Variants in VPS8 observed in about 807,000 individuals in gnomAD.
VPS8 encodes the protein vacuolar protein sorting-associated protein 8 homolog.
In VPS8, 129 loss-of-function variants were observed where a neutral mutation model predicts 216.4. The observed-to-expected ratio is 0.60, with a 90% CI of 0.52 to 0.69. VPS8 has a LOEUF of 0.69. Ranked by LOEUF, VPS8 falls within the 30% of genes least tolerant of loss-of-function variation. VPS8 has a pLI of 0.00. For synonymous variants in VPS8, 571 were observed against 565.4 expected, an observed-to-expected ratio of 1.01 and a Z score of -0.14; for missense variants, 1,531 against 1,683.5, an observed-to-expected ratio of 0.91 and a Z score of 1.59.
At chr3:184,849,900 AT>A (rs764302402) in intron 9 of VPS8, 35 bp from the exon 10 acceptor site, 8 of 1,541,622 alleles carry the variant, frequency 5.2e-6, no homozygotes, top group Non-Finnish European at 7.2e-6. Flanking sequence ...AAAAAGAGCA[AT>A]AAATTTGTTT....
At chr3:184,819,672 CAAATT>C (rs1717124628) in intron 1 of VPS8, among the ~76,000 whole-genome samples, 1 of 152,066 alleles carries the variant, frequency 6.6e-6, no homozygotes, top group South Asian at 2.1e-4. Flanking sequence ...TGACCAGAAA[CAAATT>C]AACTTATATT....
At chr3:184,967,350 TA>T (rs886660953) in intron 39 of VPS8, among the ~76,000 whole-genome samples, 1 of 152,184 alleles carries the variant, frequency 6.6e-6, no homozygotes, top group Non-Finnish European at 1.5e-5. Context: ...TCCTAAAAAT[TA>T]ATGTGCCAAA....
At chr3:184,951,005 G>A (rs933271394) in intron 36 of VPS8, among the ~76,000 whole-genome samples, 2 of 152,094 alleles carry the variant, frequency 1.3e-5, no homozygotes, top group Admixed American at 6.5e-5. Flanking sequence ...CTTTGCTATT[G>A]TAAATAGTGC....
Position 184,908,177 on chromosome 3 carries a change from C to CA in VPS8, c.2147-5333dup, listed in dbSNP as rs201325697. ...CCACAGAGTGAGTTCTGAGTTAGGG[C>CA]AAAAAAAAATAAGCCCTGAAAATGG... On this transcript the variant is annotated intron_variant, in intron 25 of 47. Coordinates refer to ENST00000625842, the MANE Select transcript of VPS8 (RefSeq NM_001009921.3). Among the ~76,000 whole-genome samples the CA allele has an allele frequency of 4.6e-4, 68 of 148,878 alleles. 1 individual carries two copies. Among genetic ancestry groups the CA allele is most frequent in the Non-Finnish European group, 6.7e-4 (45 of 67,078 alleles).
chr3:184,913,077 C>A (rs1578209765), intron 25 of VPS8, among the ~76,000 whole-genome samples: 1 of 152,150 alleles, frequency 6.6e-6, no homozygotes, highest in South Asian at 2.1e-4. Flanking sequence ...TAGTTTAGTT[C>A]TGTTACTTTA....
At chr3:184,912,343 C>T (rs1462969792) in intron 25 of VPS8, among the ~76,000 whole-genome samples, 1 of 152,114 alleles carries the variant, frequency 6.6e-6, no homozygotes, top group Non-Finnish European at 1.5e-5. Flanking sequence ...ATAGTCTTAT[C>T]TTTGTCCAGT....
chr3:184,901,777 A>G (rs540904852), intron 25 of VPS8, among the ~76,000 whole-genome samples: 8 of 152,134 alleles, frequency 5.3e-5, no homozygotes, highest in African/African-American at 1.9e-4. Context: ...TTGTGGACAA[A>G]TGTGTTCATT....
intron 3 of VPS8, among the ~76,000 whole-genome samples, chr3:184,827,773 A>C (rs1719107612): frequency 6.6e-6 from 1 of 152,202 alleles, no homozygotes; most frequent in South Asian, 2.1e-4. Context: ...CCTCAATAGT[A>C]GTTTGAGTGT....
chr3:185,039,148 C>T (rs920951290), intron 46 of VPS8, among the ~76,000 whole-genome samples: 14 of 152,182 alleles, frequency 9.2e-5, no homozygotes, highest in African/African-American at 3.4e-4. Context: ...GGGAAGGGAG[C>T]AGTCAGTTCA....
At chr3:184,872,803 A>G (rs1728584481) in intron 21 of VPS8, among the ~76,000 whole-genome samples, 1 of 152,124 alleles carries the variant, frequency 6.6e-6, no homozygotes, top group African/African-American at 2.4e-5. Flanking sequence ...TATGGGCACA[A>G]TCACATGGCT....
At position 184,999,723 on chromosome 3, in the gene VPS8, C is replaced by G; in HGVS notation, c.3864C>G (p.Cys1288Trp). 1 of 1,612,272 alleles carries G rather than the reference C, an allele frequency of 6.2e-7. No individual in the cohort carries two copies. The highest frequency in any genetic ancestry group is 8.5e-7 in the Non-Finnish European group (1 of 1,179,340). Residue 1288 changes from cysteine (C) to tryptophan (W), a missense_variant, in exon 45 of 48, where the codon TGC becomes TGG. Around this residue, in one of 3 missense-constraint regions of VPS8, gnomAD observed 1,318 missense variants for 1,468.4 expected, o/e 0.90. Coordinates refer to ENST00000625842, the MANE Select transcript of VPS8 (RefSeq NM_001009921.3). ...GTGGCCATTTGTATCACTCATTCTG[C>G]CTACAAAACAAAGAATGCACTGTGG... is the stretch of plus-strand genomic sequence containing the variant. ...FSCGHLYHSF[C>W]LQNKECTVEF...
chr3:184,824,664 A>G lies in VPS8; in HGVS notation c.32A>G (p.Glu11Gly). The stretch of plus-strand genomic sequence containing the variant: ...AATGAACCAGACCATGAAAATGTGG[A>G]ACAGAGCCTCTGTGCCAAGACGAGC... MENEPDHENV[E>G]QSLCAKTSEE... The change falls in exon 2 of 48, where the codon GAA becomes GGA. Residue 11 changes from glutamate (E) to glycine (G), a missense_variant. This residue lies in a region of VPS8 where 199 missense variants were observed against 182.2 expected (regional missense o/e 1.09). Transcript: ENST00000625842. 1 of 1,613,984 alleles carries G rather than the reference A, an allele frequency of 6.2e-7. No individual in the cohort carries two copies. Among genetic ancestry groups the G allele is most frequent in the Non-Finnish European group, 8.5e-7 (1 of 1,179,872 alleles).
Position 185,048,571 on chromosome 3 carries a change from G to A in VPS8, c.4137+12G>A, listed in dbSNP as rs539672543. 43 of 1,613,336 alleles carry A rather than the reference G, an allele frequency of 2.7e-5. No individual in the cohort carries two copies. The highest frequency in any genetic ancestry group is 2.5e-4 in the East Asian group (11 of 44,874). On this transcript the variant is annotated intron_variant, in intron 47 of 47. Coordinates refer to ENST00000625842, the MANE Select transcript of VPS8 (RefSeq NM_001009921.3). ...GAGGAAGCTCCAGGGTAATGTTTGC[G>A]TGGTTGTTTATATTTTTATTTCCCT...
At chr3:184,848,324 A>G (rs1011137223) in intron 8 of VPS8, among the ~76,000 whole-genome samples, 1 of 152,222 alleles carries the variant, frequency 6.6e-6, no homozygotes, top group African/African-American at 2.4e-5. Context: ...TATGGATAAT[A>G]TAAATGTAAA....
At position 184,868,930 on chromosome 3, in the gene VPS8, C is replaced by A. The variant is rs758157431; in HGVS notation, c.1507-16C>A. The A allele has an allele frequency of 7.5e-6, 12 of 1,594,154 alleles. No homozygotes were observed. In the South Asian group the frequency reaches 1.4e-4, roughly 18 times the overall value. On this transcript the variant is annotated splice_polypyrimidine_tract_variant and intron_variant, in intron 18 of 47. Transcript: ENST00000625842. ...TCAGACAAAGGGGCCTGGTTTCTCT[C>A]ATTTTTCCGTTTTAGAGAGTGGATC...
Position 184,886,470 on chromosome 3 carries a change from T to TAC in VPS8, c.1781+325_1781+326dup, listed in dbSNP as rs560516542. ...ATGATTCATTATATGTATATATATA[T>TAC]ACACACACACACGCATATATACACA... is the stretch of plus-strand genomic sequence containing the variant. On this transcript the variant is annotated intron_variant, in intron 22 of 47. Transcript: ENST00000625842. Among the ~76,000 whole-genome samples the TAC allele has an allele frequency of 1.3e-3, 198 of 151,390 alleles. 1 individual carries two copies. In the East Asian group the frequency reaches 0.025, roughly 19 times the overall value.
chr3:184,910,428 C>A (rs993475260), intron 25 of VPS8, among the ~76,000 whole-genome samples: 3 of 152,190 alleles, frequency 2.0e-5, no homozygotes, highest in African/African-American at 7.2e-5. Context: ...ACTTGTACAG[C>A]TAACTCCCTA....
chr3:184,852,540 G>A lies in VPS8; in HGVS notation c.794G>A (p.Gly265Glu). Residue 265 changes from glycine to glutamate, a missense_variant, in exon 11 of 48, where the codon GGA (glycine) becomes GAA (glutamate). By Grantham distance (98) the Gly-to-Glu change is moderately conservative. Around this residue, in one of 3 missense-constraint regions of VPS8, gnomAD observed 1,318 missense variants for 1,468.4 expected, o/e 0.90. Coordinates refer to ENST00000625842, the MANE Select transcript of VPS8 (RefSeq NM_001009921.3). ...ACTCTTGCAATTTGCAACGACAGCG[G>A]AGGCTCTGTTTTTGAATTGACATTT... ...DPTLAICNDS[G>E]GSVFELTFKR... 6.2e-7 allele frequency: 1 copy of A among 1,613,642 alleles called. No individual in the cohort carries two copies. Among genetic ancestry groups the A allele is most frequent in the Non-Finnish European group, 8.5e-7 (1 of 1,179,714 alleles).
intron 45 of VPS8, among the ~76,000 whole-genome samples, chr3:185,013,867 A>G (rs1437513932): frequency 6.6e-6 from 1 of 152,230 alleles, no homozygotes; most frequent in East Asian, 1.9e-4. Context: ...TTAGGGGACC[A>G]GTCAATAATG....
Sources: allele counts gnomAD v4.1 joint callset (sites outside exome capture counted in the v4.1 genomes callset), GRCh38; gene constraint gnomAD v4.1.1; regional missense constraint gnomAD v4.1.1; transcripts MANE v1.5; gene names NCBI Gene and HGNC (gene_info 2026-07-23, HGNC 2026-07-21).